Variants in TNNI3K observed in about 807,000 individuals in gnomAD.
The protein encoded by TNNI3K is TNNI3 interacting kinase.
In TNNI3K, 140 loss-of-function variants were observed where a neutral mutation model predicts 114.5. The ratio of observed to expected loss-of-function variants is 1.22; its 90% CI spans 1.07 to 1.41. TNNI3K has a LOEUF of 1.41. Ranked by LOEUF, TNNI3K falls within the 40% of genes most tolerant of loss-of-function variation. The probability of loss-of-function intolerance (pLI) is 0.00; values close to 1 mark genes in which losing one functional copy is unlikely to be tolerated. For synonymous variants in TNNI3K, 347 were observed against 347.5 expected (o/e 1.00, Z 0.02); for missense variants, 1,125 against 1,007.6 (o/e 1.12, Z -1.58).
In TNNI3K at chr1:74,390,955, A is replaced by AT. The variant is rs1156673794; in HGVS notation, c.1772+20570dup. On this transcript the variant is annotated intron_variant, in intron 17 of 24. Coordinates refer to ENST00000326637, the MANE Select transcript of TNNI3K (RefSeq NM_015978.3). ...CTCTAGGTAGGAATGAAAAAAATATATTTTTTTCCGAAAAAAAAAAAAAAC... is the reference window on the plus strand; with the variant it reads ...CTCTAGGTAGGAATGAAAAAAATATATTTTTTTTCCGAAAAAAAAAAAAAAC... Among the ~76,000 whole-genome samples the AT allele has an allele frequency of 1.5e-4, 10 of 64,660 alleles. No individual in the cohort carries two copies. The Admixed American group carries it at 1.7e-3, about 11-fold the overall frequency. The allele number at this position is 64,660 out of a possible 152,430, so 42.4% of individuals were successfully genotyped here.
chr1:74,276,641 C>T (rs1656704117), intron 5 of TNNI3K, among the ~76,000 whole-genome samples: 1 of 152,070 alleles, frequency 6.6e-6, no homozygotes, highest in Non-Finnish European at 1.5e-5. Context: ...TGTTCTGTTT[C>T]ATTACTAGTC....
intron 7 of TNNI3K, among the ~76,000 whole-genome samples, chr1:74,337,810 A>T (rs979764669): frequency 1.3e-5 from 2 of 152,010 alleles, no homozygotes; most frequent in Non-Finnish European, 2.9e-5. Context: ...AAGTTTGTAT[A>T]ATTTTGTGAC....
At chr1:74,317,925 T>C (rs1659406268) in intron 5 of TNNI3K, among the ~76,000 whole-genome samples, 1 of 152,186 alleles carries the variant, frequency 6.6e-6, no homozygotes, top group Admixed American at 6.5e-5. Flanking sequence ...TGCTGTTCTT[T>C]CTTTGCACAG....
intron 17 of TNNI3K, among the ~76,000 whole-genome samples, chr1:74,397,972 C>A (rs1664172531): frequency 6.6e-6 from 1 of 152,182 alleles, no homozygotes; most frequent in East Asian, 1.9e-4. Flanking sequence ...CTGGACAGAG[C>A]AGGGCCTAAT....
intron 4 of TNNI3K, among the ~76,000 whole-genome samples, chr1:74,260,601 G>A (rs1215097624): frequency 6.6e-6 from 1 of 152,056 alleles, no homozygotes; most frequent in East Asian, 1.9e-4. Flanking sequence ...CTAGCATATA[G>A]TTAATACTTA....
intron 5 of TNNI3K, among the ~76,000 whole-genome samples, chr1:74,311,013 T>C (rs1332447206): frequency 6.6e-6 from 1 of 152,164 alleles, no homozygotes; most frequent in East Asian, 1.9e-4. Flanking sequence ...CTAAGTCAGT[T>C]GGTCCCCAGT....
chr1:74,390,713 G>A (rs1172285134), intron 17 of TNNI3K, among the ~76,000 whole-genome samples: 1 of 152,070 alleles, frequency 6.6e-6, no homozygotes, highest in Non-Finnish European at 1.5e-5. Context: ...ATATAAATAA[G>A]CAAGGATATT....
At chr1:74,368,273 G>A (rs986263549) in intron 13 of TNNI3K, among the ~76,000 whole-genome samples, 4 of 151,236 alleles carry the variant, frequency 2.6e-5, no homozygotes, top group African/African-American at 7.3e-5. Flanking sequence ...AGGAGAATTG[G>A]GACTAGAAAA....
At chr1:74,239,299 A>G (rs1375576361) in intron 2 of TNNI3K, among the ~76,000 whole-genome samples, 1 of 152,150 alleles carries the variant, frequency 6.6e-6, no homozygotes, top group Non-Finnish European at 1.5e-5. Flanking sequence ...GGATGAAAGA[A>G]AGAAAAGAAT....
chr1:74,398,053 G>C (rs1440597747), intron 17 of TNNI3K, among the ~76,000 whole-genome samples: 2 of 152,354 alleles, frequency 1.3e-5, no homozygotes, highest in African/African-American at 4.8e-5. Context: ...CCTGCTTCCA[G>C]CAGAGGTAAC....
chr1:74,536,537 G>A (rs1646662571), intron 23 of TNNI3K, among the ~76,000 whole-genome samples: 1 of 151,936 alleles, frequency 6.6e-6, no homozygotes, highest in African/African-American at 2.4e-5. Context: ...TTATATTTAT[G>A]TATACATCAT....
Position 74,492,285 on chromosome 1 carries a change from A to G in TNNI3K, c.2351+19A>G. On this transcript the variant is annotated intron_variant, in intron 23 of 24. Coordinates refer to ENST00000326637, the MANE Select transcript of TNNI3K (RefSeq NM_015978.3). ...CCCAAAGGTGAGTGGTAATATAAGC[A>G]AATCTCACAGTAAAGTCTTATTTCA... 6.8e-7 allele frequency: 1 copy of G among 1,475,940 alleles called. No homozygotes were observed. The highest frequency in any genetic ancestry group is 1.5e-5 in the South Asian group (1 of 66,152). The allele number at this position is 1,475,940 out of a possible 1,614,324, so 91.4% of individuals were successfully genotyped here.
chr1:74,443,619 A>G (rs180742121), intron 20 of TNNI3K, among the ~76,000 whole-genome samples: 140 of 152,340 alleles, frequency 9.2e-4, no homozygotes, highest in African/African-American at 3.3e-3. Flanking sequence ...AAACTATTCC[A>G]AACAATTGAA....
In TNNI3K at chr1:74,540,277, A is replaced by G; in HGVS notation, c.2395A>G (p.Lys799Glu). The part of the protein sequence containing the change: ...SSQGLSLEEM[K>E]RSLQYTPIDK... ...TCAAGGTCTGTCTTTGGAGGAGATG[A>G]AAAGAAGTCTTCAATACACACCCAT... is the stretch of plus-strand genomic sequence containing the variant. The change falls in exon 24 of 25, where the codon AAA (lysine) becomes GAA (glutamate). Residue 799 changes from lysine to glutamate, a missense_variant. Transcript: ENST00000326637. The G allele has an allele frequency of 6.2e-7, 1 of 1,612,810 alleles. No homozygotes were observed. The highest frequency in any genetic ancestry group is 8.5e-7 in the Non-Finnish European group (1 of 1,179,216).
chr1:74,396,901 A>G (rs897033639), intron 17 of TNNI3K, among the ~76,000 whole-genome samples: 3 of 152,330 alleles, frequency 2.0e-5, no homozygotes, highest in South Asian at 2.1e-4. Context: ...TTGTGACTAA[A>G]AGCTAGCCTG....
chr1:74,355,529 G>A (rs958923357), intron 11 of TNNI3K, among the ~76,000 whole-genome samples: 22 of 152,028 alleles, frequency 1.4e-4, no homozygotes, highest in Non-Finnish European at 2.4e-4. Context: ...ATTTGAACCC[G>A]GGAGGCAGAG....
rs1463186446 is a variant in TNNI3K at position 74,369,448 on chromosome 1, G to T, written c.1530G>T (p.Val510=). Residue 510 remains valine, a synonymous_variant, in exon 16 of 25, where the codon GTG becomes GTT. Coordinates refer to ENST00000326637, the MANE Select transcript of TNNI3K (RefSeq NM_015978.3). ...ATGTGGATATGTTTTGCCGAGAGGT[G>T]TCCATTCTCTGCCAGCTCAATCATC... is the stretch of plus-strand genomic sequence containing the variant. ...KSDVDMFCRE[V]SILCQLNHPC... is the part of the protein sequence containing the mutation. 1 of 1,612,426 alleles carries T rather than the reference G, an allele frequency of 6.2e-7. No individual in the cohort carries two copies. The highest frequency in any genetic ancestry group is 8.5e-7 in the Non-Finnish European group (1 of 1,179,170).
At chr1:74,534,740 A>G (rs975974230) in intron 23 of TNNI3K, among the ~76,000 whole-genome samples, 1 of 152,022 alleles carries the variant, frequency 6.6e-6, no homozygotes, top group African/African-American at 2.4e-5. Flanking sequence ...TTTCTTTTAT[A>G]TAAGAATTCT....
chr1:74,468,521 A>G (rs894333224), intron 21 of TNNI3K: 1 of 152,168 alleles, frequency 6.6e-6, no homozygotes, highest in Non-Finnish European at 1.5e-5. Flanking sequence ...AAAGTCTTGA[A>G]TATTGGCGAG....
Sources: allele counts gnomAD v4.1 joint callset (sites outside exome capture counted in the v4.1 genomes callset), GRCh38; gene constraint gnomAD v4.1.1; transcripts MANE v1.5; gene names NCBI Gene and HGNC (gene_info 2026-07-23, HGNC 2026-07-21).